EIF2S3: variants seen among roughly 807,000 people sequenced by gnomAD.
The protein encoded by EIF2S3 is eukaryotic translation initiation factor 2 subunit gamma, also known as eukaryotic translation initiation factor 2 subunit 3.
A neutral mutation model predicts 31.7 loss-of-function variants in EIF2S3; 2 were observed. The observed-to-expected ratio is 0.06, with a 90% CI of 0.03 to 0.20. The LOEUF (loss-of-function observed/expected upper bound fraction) is 0.20. Ranked by LOEUF, EIF2S3 falls within the 10% of genes least tolerant of loss-of-function variation. The pLI is 1.00. For synonymous variants in EIF2S3, 120 were observed against 126.7 expected, an observed-to-expected ratio of 0.95 and a Z score of 0.36; for missense variants, 96 against 359.3, an observed-to-expected ratio of 0.27 and a Z score of 5.92.
intron 7 of EIF2S3, 78 bp downstream of exon 7, chrX:24,064,413 A>G: frequency 9.5e-7 from 1 of 1,055,743 alleles, no homozygotes; most frequent in South Asian, 2.8e-5. Flanking sequence ...ATGTTTATTA[A>G]TATTTCCTCT....
Position 24,064,274 on chromosome X carries a change from G to A in EIF2S3, c.711G>A (p.Glu237=). The A allele has an allele frequency of 1.7e-6, 2 of 1,200,113 alleles. No individual in the cohort carries two copies. The highest frequency in any genetic ancestry group is 2.2e-6 in the Non-Finnish European group (2 of 891,020). The part of the protein sequence containing the change: ...QLKYNIEVVC[E]YIVKKIPVPP... ...AATACAATATTGAAGTTGTTTGTGA[G>A]TACATAGTAAAGAAAATTCCAGTAC... The change falls in exon 7 of 12, where the codon GAG becomes GAA. Residue 237 remains glutamate (E), a synonymous_variant. Coordinates refer to ENST00000253039, the MANE Select transcript of EIF2S3 (RefSeq NM_001415.4).
In EIF2S3 at chrX:24,066,111, G is replaced by A. The variant is rs1361198006; in HGVS notation, c.867+19G>A. On this transcript the variant is annotated intron_variant, in intron 8 of 11. Coordinates refer to ENST00000253039, the MANE Select transcript of EIF2S3 (RefSeq NM_001415.4). Reference sequence around the variant, plus strand: ...ATTAAAGGTAAAATGGGTTTTGGTTGTTGTGATTTTGGGTTTTTTTTTTTT... The same window carrying A: ...ATTAAAGGTAAAATGGGTTTTGGTTATTGTGATTTTGGGTTTTTTTTTTTT... 1 of 1,031,337 alleles carries A rather than the reference G, an allele frequency of 9.7e-7. No homozygotes were observed. The highest frequency in any genetic ancestry group is 1.3e-6 in the Non-Finnish European group (1 of 783,638). 85.0% of individuals were successfully genotyped at this position (1,031,337 alleles called of 1,213,427 possible).
At chrX:24,059,624 C>T (rs1414670799) in intron 4 of EIF2S3, among the ~76,000 whole-genome samples, 1 of 110,982 alleles carries the variant, frequency 9.0e-6, no homozygotes, top group Admixed American at 9.7e-5. Context: ...GGTTTCACCA[C>T]GTTGGTCAGG....
At chrX:24,074,680 A>G (rs181158232) in intron 11 of EIF2S3, among the ~76,000 whole-genome samples, 84 of 109,673 alleles carry the variant, frequency 7.7e-4, no homozygotes, top group Non-Finnish European at 1.7e-4. Flanking sequence ...TTTCTTTGCC[A>G]TTATTTATTT....
intron 8 of EIF2S3, 22 bp from the exon 9 acceptor site, chrX:24,067,942 A>G (rs767595873): frequency 2.5e-5 from 29 of 1,158,973 alleles, no homozygotes; most frequent in Middle Eastern, 2.5e-4. Context: ...AGTAATTCTA[A>G]TTACTAATTA....
intron 5 of EIF2S3, 127 bp downstream of exon 5, chrX:24,060,309 A>T (rs991672840): frequency 5.6e-6 from 3 of 535,952 alleles, no homozygotes; most frequent in African/African-American, 4.6e-5. Flanking sequence ...GGGAACTAAC[A>T]TGTCATCCAG....
chrX:24,063,762 G>A (rs1930528832), intron 6 of EIF2S3, among the ~76,000 whole-genome samples: 1 of 110,171 alleles, frequency 9.1e-6, no homozygotes, highest in Admixed American at 9.8e-5. Flanking sequence ...GTGACAAAGC[G>A]AGACCCTATC....
chrX:24,060,334 C>G (rs766424719), intron 5 of EIF2S3, 152 bp downstream of exon 5: 1 of 440,677 alleles, frequency 2.3e-6, no homozygotes, highest in Non-Finnish European at 3.9e-6. Context: ...ACTTTCCTAC[C>G]TATCAGCTAT....
At chrX:24,055,497 C>G in intron 1 of EIF2S3, 118 bp from the exon 2 acceptor site, 1 of 702,557 alleles carries the variant, frequency 1.4e-6, no homozygotes, top group African/African-American at 2.1e-5. Context: ...GGAAAAGGAG[C>G]TTTAGAAGTA....
At chrX:24,060,059 A>C in intron 4 of EIF2S3, 29 bp from the exon 5 acceptor site, 1 of 1,105,568 alleles carries the variant, frequency 9.0e-7, no homozygotes, top group Non-Finnish European at 1.2e-6. Flanking sequence ...GATTTATGTT[A>C]AGGCTGATTG....
At chrX:24,067,514 A>G (rs1431646228) in intron 8 of EIF2S3, among the ~76,000 whole-genome samples, 2 of 62,086 alleles carry the variant, frequency 3.2e-5, no homozygotes, top group African/African-American at 9.8e-5. Flanking sequence ...TTTTTTTTTA[A>G]GAATAATGAT....
In EIF2S3 at chrX:24,068,098, C is replaced by T. The variant is rs764992008; in HGVS notation, c.1002C>T (p.Gly334=). The T allele has an allele frequency of 5.9e-6, 7 of 1,178,303 alleles. No individual in the cohort carries two copies. Among genetic ancestry groups the T allele is most frequent in the East Asian group, 3.0e-5 (1 of 32,958 alleles). Reference sequence around the variant, plus strand: ...ATGATCTGCAATATGCTGCTCCAGGCGGTCTTATTGGTAAGGATTTTTTTC... The same window carrying T: ...ATGATCTGCAATATGCTGCTCCAGGTGGTCTTATTGGTAAGGATTTTTTTC... The part of the protein sequence containing the change: ...EHNDLQYAAP[G]GLIGVGTKID... Residue 334 remains glycine (G), a synonymous_variant, in exon 9 of 12, where the codon GGC becomes GGT. Transcript: ENST00000253039.
intron 7 of EIF2S3, among the ~76,000 whole-genome samples, chrX:24,064,554 G>A (rs1199415180): frequency 1.8e-5 from 2 of 112,609 alleles, no homozygotes; most frequent in Non-Finnish European, 3.8e-5. Flanking sequence ...TAAGCCGGGC[G>A]CAGTGGCTCA....
At chrX:24,070,585 T>C (rs1401760610) in intron 9 of EIF2S3, among the ~76,000 whole-genome samples, 2 of 107,096 alleles carry the variant, frequency 1.9e-5, no homozygotes, top group Non-Finnish European at 3.9e-5. Context: ...GGATTATAGG[T>C]GTCTGCCACC....
chrX:24,055,531 C>A, intron 1 of EIF2S3, 84 bp from the exon 2 acceptor site: 1 of 982,174 alleles, frequency 1.0e-6, no homozygotes, highest in Non-Finnish European at 1.4e-6. Flanking sequence ...CAGATGGTGG[C>A]AAGATGTAGA....
In EIF2S3 at chrX:24,064,334, T is replaced by C; in HGVS notation, c.771T>C (p.Ile257=). Residue 257 remains isoleucine, a splice_region_variant and synonymous_variant, in exon 7 of 12, where the codon ATT becomes ATC. Transcript: ENST00000253039. ...PRDFTSEPRL[I]VIRSFDVNKP... is the part of the protein sequence containing the mutation. The stretch of plus-strand genomic sequence containing the variant: ...ACTTTACTTCAGAGCCCCGGCTTAT[T>C]GGTAAGTGATAGGATTTGCCTTTAA... 1 of 1,177,374 alleles carries C rather than the reference T, an allele frequency of 8.5e-7. No homozygotes were observed. Among genetic ancestry groups the C allele is most frequent in the Non-Finnish European group, 1.1e-6 (1 of 882,051 alleles).
chrX:24,063,770 A>G (rs1260326504), intron 6 of EIF2S3, among the ~76,000 whole-genome samples: 3 of 110,544 alleles, frequency 2.7e-5, no homozygotes, highest in Non-Finnish European at 3.8e-5. Flanking sequence ...GCGAGACCCT[A>G]TCTCCAAAAA....
chrX:24,063,543 G>C (rs1385163967), intron 6 of EIF2S3, among the ~76,000 whole-genome samples: 1 of 111,524 alleles, frequency 9.0e-6, no homozygotes, highest in Non-Finnish European at 1.9e-5. Flanking sequence ...ACTTTAGGAG[G>C]CTGAGGCGGG....
chrX:24,062,750 G>T lies in EIF2S3; in HGVS notation c.637+176G>T, dbSNP rs181320358. ...TAACCTGATATAACTAATGAAACCT[G>T]TGATTCTGAATTTAATATACTAAAG... On this transcript the variant is annotated intron_variant, in intron 6 of 11. Coordinates refer to ENST00000253039, the MANE Select transcript of EIF2S3 (RefSeq NM_001415.4). 6.6e-3 allele frequency: 2,733 copies of T among 411,704 alleles called. 10 individuals carry two copies. Among genetic ancestry groups the T allele is most frequent in the Middle Eastern group, 0.016 (23 of 1,406 alleles). 33.9% of individuals were successfully genotyped at this position (411,704 alleles called of 1,213,427 possible).
Sources: gnomAD v4.1 joint callset for allele counts (sites outside exome capture counted in the v4.1 genomes callset) on GRCh38, gnomAD v4.1.1 for gene constraint, MANE v1.5 for transcripts, NCBI Gene and HGNC (gene_info 2026-07-23, HGNC 2026-07-21) for gene names.